Variants in TMEM183A observed in about 807,000 individuals in gnomAD.
TMEM183A encodes chromosome 1 open reading frame 37.
A neutral mutation model predicts 46.7 loss-of-function variants in TMEM183A; 21 were observed. That is an observed-to-expected ratio of 0.45 (90% CI 0.32 to 0.65). The LOEUF (loss-of-function observed/expected upper bound fraction) is 0.65. TMEM183A is among the 30% of genes least tolerant of loss of function. The probability of loss-of-function intolerance (pLI) is 0.04; values close to 1 mark genes in which losing one functional copy is unlikely to be tolerated. For synonymous variants in TMEM183A, 165 were observed against 180.2 expected (o/e 0.92, Z 0.68); for missense variants, 331 against 481.9 (o/e 0.69, Z 2.93).
At chr1:203,011,968 A>G (rs146283103) in intron 3 of TMEM183A, among the ~76,000 whole-genome samples, 9 of 151,460 alleles carry the variant, frequency 5.9e-5, no homozygotes, top group African/African-American at 2.2e-4. Flanking sequence ...TTTTAATGAA[A>G]CATGTAGAAG....
chr1:203,020,764 C>A, intron 6 of TMEM183A, 29 bp from the exon 7 acceptor site: 1 of 1,613,184 alleles, frequency 6.2e-7, no homozygotes, highest in African/African-American at 1.3e-5. Flanking sequence ...TTCTTCTAAG[C>A]CATTGGATTA....
intron 3 of TMEM183A, among the ~76,000 whole-genome samples, chr1:203,011,750 G>C (rs57295287): frequency 0.018 from 2,669 of 152,112 alleles, 74 homozygotes; most frequent in African/African-American, 0.062. Flanking sequence ...TATCTATTCA[G>C]ATTACTAGTC....
Position 203,023,276 on chromosome 1 carries a change from G to T in TMEM183A, c.*236G>T. 1.1e-5 allele frequency: 4 copies of T among 373,916 alleles called. No individual in the cohort carries two copies. Among genetic ancestry groups the T allele is most frequent in the Non-Finnish European group, 1.9e-5 (4 of 212,464 alleles). 23.2% of individuals were successfully genotyped at this position (373,916 alleles called of 1,614,324 possible). A position where few individuals can be genotyped will look rare whatever the true frequency, so the allele number is the denominator to read the frequency against. ...TTTAAAAGGAGTGGCCCTGTTTTCTGTGTTAAAACCCCATTTGGTGCTATT... is the reference window on the plus strand; with the variant it reads ...TTTAAAAGGAGTGGCCCTGTTTTCTTTGTTAAAACCCCATTTGGTGCTATT... On this transcript the variant is annotated 3_prime_UTR_variant, in exon 8 of 8. Transcript: ENST00000367242.
intron 3 of TMEM183A, among the ~76,000 whole-genome samples, chr1:203,009,419 C>G (rs1656332787): frequency 6.6e-6 from 1 of 152,162 alleles, no homozygotes. Context: ...AACCATCATT[C>G]AGATTCTGGG....
intron 3 of TMEM183A, among the ~76,000 whole-genome samples, chr1:203,011,160 G>T (rs1656534496): frequency 6.6e-6 from 1 of 152,122 alleles, no homozygotes; most frequent in Non-Finnish European, 1.5e-5. Flanking sequence ...GGATTATACA[G>T]AAACTCTATG....
At chr1:203,022,807 A>C in intron 7 of TMEM183A, 48 bp from the exon 8 acceptor site, 1 of 1,612,410 alleles carries the variant, frequency 6.2e-7, no homozygotes, top group Non-Finnish European at 8.5e-7. Flanking sequence ...GAGCTCTTGG[A>C]AACCAAGGTT....
chr1:203,010,889 C>G (rs1215797394), intron 3 of TMEM183A, among the ~76,000 whole-genome samples: 1 of 152,220 alleles, frequency 6.6e-6, no homozygotes, highest in Non-Finnish European at 1.5e-5. Context: ...AACCACTAAT[C>G]TACTTTCTGT....
Position 203,007,876 on chromosome 1 carries a change from C to T in TMEM183A, c.199+13C>T, listed in dbSNP as rs767920218. 1.9e-6 allele frequency: 3 copies of T among 1,613,948 alleles called. No individual in the cohort carries two copies. The highest frequency in any genetic ancestry group is 1.7e-4 in the Middle Eastern group (1 of 6,060). On this transcript the variant is annotated intron_variant, in intron 2 of 7. Transcript: ENST00000367242. ...GTTCAGCAGGAAGGTAAGCTTTGCG[C>T]GAGCCTTTAAAGACTCATGCCGCGA...
chr1:203,021,395 G>C (rs1331151815), intron 7 of TMEM183A, among the ~76,000 whole-genome samples: 1 of 151,404 alleles, frequency 6.6e-6, no homozygotes, highest in East Asian at 1.9e-4. Flanking sequence ...ATGAAGGAAG[G>C]TATCTTTTTT....
chr1:203,012,212 T>C (rs1158383360), intron 3 of TMEM183A, among the ~76,000 whole-genome samples: 1 of 80,778 alleles, frequency 1.2e-5, no homozygotes, highest in African/African-American at 4.6e-5. Flanking sequence ...CCATTTTTAC[T>C]TCAACCATTA....
intron 7 of TMEM183A, 124 bp from the exon 8 acceptor site, chr1:203,022,731 A>G: frequency 7.9e-7 from 1 of 1,260,748 alleles, no homozygotes; most frequent in Non-Finnish European, 1.1e-6. Context: ...TGTTTGTTTT[A>G]TAATTTAGAG....
At chr1:203,007,884 T>TAAAG in intron 2 of TMEM183A, 21 bp downstream of exon 2, 1 of 1,613,746 alleles carries the variant, frequency 6.2e-7, no homozygotes, top group Middle Eastern at 1.7e-4. Context: ...CGCGAGCCTT[T>TAAAG]AAAGACTCAT....
At chr1:203,017,688 A>G (rs1196877922) in intron 5 of TMEM183A, 1 of 977,706 alleles carries the variant, frequency 1.0e-6, no homozygotes, top group Non-Finnish European at 1.2e-6. Flanking sequence ...CAGCATGCCT[A>G]AAGGAAGTTG....
At position 203,020,830 on chromosome 1, in the gene TMEM183A, A is replaced by C. The variant is rs748538281; in HGVS notation, c.827A>C (p.Gln276Pro). The C allele has an allele frequency of 6.2e-7, 1 of 1,613,994 alleles. No homozygotes were observed. Among genetic ancestry groups the C allele is most frequent in the Non-Finnish European group, 8.5e-7 (1 of 1,179,934 alleles). The part of the protein sequence containing the change: ...RLKSKCTGGL[Q>P]PPVQYEDVHT... ...AAGAGCAAGTGTACAGGAGGATTGC[A>C]GCCTCCCGTTCAGTACGAAGATGTT... Residue 276 changes from glutamine (Q) to proline (P), a missense_variant, in exon 7 of 8, where the codon CAG becomes CCG. Physicochemically the swap from Gln to Pro is moderately conservative, Grantham distance 76. Transcript: ENST00000367242.
At position 203,015,974 on chromosome 1, in the gene TMEM183A, A is replaced by T; in HGVS notation, c.542A>T (p.Asp181Val). ...TRLYRRHYTL[D>V]ASLPLRLRPE... is the part of the protein sequence containing the mutation. ...TCATGTTTCAGGCACTACACGCTGG[A>T]TGCTTCCCTGCCTTTGCGTCTGCGA... Residue 181 changes from aspartate to valine, a missense_variant, in exon 5 of 8, where the codon GAT becomes GTT. By Grantham distance (152) the Asp-to-Val change is radical. Around this residue, in one of 2 missense-constraint regions of TMEM183A, gnomAD observed 233 missense variants for 385.8 expected, o/e 0.60. Transcript: ENST00000367242. 9 of 1,613,956 alleles carry T rather than the reference A, an allele frequency of 5.6e-6. No individual in the cohort carries two copies. The highest frequency in any genetic ancestry group is 7.6e-6 in the Non-Finnish European group (9 of 1,179,856).
rs1656859047 is a variant in TMEM183A, at chr1:203,013,377, A to T, written c.368-1512A>T. 1.3e-5 allele frequency among the ~76,000 whole-genome samples: 2 copies of T among 152,340 alleles called. No homozygotes were observed. Among genetic ancestry groups the T allele is most frequent in the African/African-American group, 4.8e-5 (2 of 41,578 alleles). The stretch of plus-strand genomic sequence containing the variant: ...TAAGGGTTAAGGTTAGGATTAGCTC[A>T]GATTCAGGTATCTTTACAAAGCATG... On this transcript the variant is annotated intron_variant, in intron 3 of 7. Transcript: ENST00000367242. This position sits in a 1 kb window ranked among gnomAD's most constrained non-coding sequence, Gnocchi z 4.0.
rs1026401177 is a variant in TMEM183A, at chr1:203,015,791, G to T, written c.528-169G>T. 13 of 769,670 alleles carry T rather than the reference G, an allele frequency of 1.7e-5. No homozygotes were observed. In the South Asian group the frequency reaches 2.6e-4, roughly 15 times the overall value. The allele number at this position is 769,670 out of a possible 1,614,324, so 47.7% of individuals were successfully genotyped here. ...TGGATGGAGAACTGCCGGATTACAA[G>T]GCAAAGACGTAAAAGTCGCCAAGAG... On this transcript the variant is annotated intron_variant, in intron 4 of 7. Coordinates refer to ENST00000367242, the MANE Select transcript of TMEM183A (RefSeq NM_138391.6).
rs758654350 is a variant in TMEM183A, at chr1:203,008,626, CT to C, written c.200-13del. 1.3e-6 allele frequency: 2 copies of C among 1,512,140 alleles called. No homozygotes were observed. Among genetic ancestry groups the C allele is most frequent in the South Asian group, 2.6e-5 (2 of 77,260 alleles). 93.7% of individuals were successfully genotyped at this position (1,512,140 alleles called of 1,614,324 possible). On this transcript the variant is annotated splice_polypyrimidine_tract_variant and intron_variant, in intron 2 of 7. Coordinates refer to ENST00000367242, the MANE Select transcript of TMEM183A (RefSeq NM_138391.6). ...TGGAGCTGTGTGCCATCTCATTCTC[CT>C]TTTATTTTCTTCTAGTAAAATCTCT...
At chr1:203,010,300 A>T (rs891998748) in intron 3 of TMEM183A, among the ~76,000 whole-genome samples, 1 of 152,118 alleles carries the variant, frequency 6.6e-6, no homozygotes, top group African/African-American at 2.4e-5. Flanking sequence ...ATTGCTTTGG[A>T]ATTATTCTAG....
Sources: gnomAD v4.1 joint callset for allele counts (sites outside exome capture counted in the v4.1 genomes callset) on GRCh38, gnomAD v4.1.1 for gene constraint, gnomAD v4.1.1 regional missense constraint, Gnocchi (gnomAD v3.1) non-coding constraint, MANE v1.5 for transcripts, NCBI Gene and HGNC (gene_info 2026-07-23, HGNC 2026-07-21) for gene names.